Variants in SKIC2 observed in about 807,000 individuals in gnomAD.
SKIC2 encodes SKI2 subunit of superkiller complex.
chr6:31,960,283 C>T, the SKIC2 span: 79 of 1,613,328 alleles, frequency 4.9e-5, 1 homozygote, highest in Admixed American at 8.3e-5. Flanking sequence ...CAGTCCCATC[C>T]GACCTACAGG....
chr6:31,969,107 T>G, the SKIC2 span: 1 of 1,603,136 alleles, frequency 6.2e-7, no homozygotes, highest in Non-Finnish European at 8.5e-7. The surrounding 1 kb of genome is among the most constrained non-coding windows in gnomAD (Gnocchi z 6.1). Context: ...ACACCACCCC[T>G]TTCTCCCTGC....
At chr6:31,964,119 G>T in the SKIC2 span, 1 of 1,612,458 alleles carries the variant, frequency 6.2e-7, no homozygotes. The surrounding 1 kb of genome is among the most constrained non-coding windows in gnomAD (Gnocchi z 5.0). Context: ...ACCGCCAGCT[G>T]CCCCAGGTGC....
chr6:31,968,519 G>GC, the SKIC2 span: 1 of 1,612,702 alleles, frequency 6.2e-7, no homozygotes, highest in African/African-American at 1.3e-5. This position sits in a 1 kb window ranked among gnomAD's most constrained non-coding sequence, Gnocchi z 6.1. Flanking sequence ...TGTGTACACA[G>GC]CCCCCGTTTT....
chr6:31,968,863 T>G, the SKIC2 span: 1 of 1,612,336 alleles, frequency 6.2e-7, no homozygotes, highest in Non-Finnish European at 8.5e-7. The surrounding 1 kb of genome is among the most constrained non-coding windows in gnomAD (Gnocchi z 6.1). Flanking sequence ...CCACCCTTTT[T>G]CTTGCAGGTG....
At chr6:31,963,910 C>T in the SKIC2 span, 12 of 1,609,360 alleles carry the variant, frequency 7.5e-6, no homozygotes, top group African/African-American at 1.3e-5. This position sits in a 1 kb window ranked among gnomAD's most constrained non-coding sequence, Gnocchi z 5.3. Flanking sequence ...CTTCCTTCTC[C>T]AGGACCGCGG....
the SKIC2 span, chr6:31,967,722 C>T: frequency 3.0e-5 from 48 of 1,612,808 alleles, no homozygotes; most frequent in East Asian, 3.3e-4. This position sits in a 1 kb window ranked among gnomAD's most constrained non-coding sequence, Gnocchi z 4.9. Flanking sequence ...CAGGTCTCCT[C>T]GAACTCCACC....
the SKIC2 span, chr6:31,967,089 C>T: frequency 6.2e-7 from 1 of 1,612,854 alleles, no homozygotes; most frequent in Non-Finnish European, 8.5e-7. This position sits in a 1 kb window ranked among gnomAD's most constrained non-coding sequence, Gnocchi z 4.9. Context: ...GTCGACCTGC[C>T]TGAATATTAC....
the SKIC2 span, chr6:31,959,224 A>G: frequency 3.7e-6 from 6 of 1,606,008 alleles, no homozygotes; most frequent in East Asian, 2.2e-5. Flanking sequence ...GGTGAGGGGG[A>G]GGGGAGGGAA....
chr6:31,960,665 G>A, the SKIC2 span: 5 of 1,588,462 alleles, frequency 3.1e-6, no homozygotes, highest in Admixed American at 1.8e-5. Context: ...TCTCTTCCCA[G>A]GGGGGATGGA....
chr6:31,962,456 C>T, the SKIC2 span: 1 of 1,614,084 alleles, frequency 6.2e-7, no homozygotes, highest in Admixed American at 1.7e-5. This position sits in a 1 kb window ranked among gnomAD's most constrained non-coding sequence, Gnocchi z 5.0. Context: ...TACACTTCGC[C>T]CATCAAGGCC....
chr6:31,969,265 C>G, the SKIC2 span: 1 of 1,613,938 alleles, frequency 6.2e-7, no homozygotes, highest in Non-Finnish European at 8.5e-7. This position sits in a 1 kb window ranked among gnomAD's most constrained non-coding sequence, Gnocchi z 6.1. Flanking sequence ...CTTAACCTCT[C>G]CTTCTTTCCT....
chr6:31,968,018 G>A, the SKIC2 span: 1 of 1,613,078 alleles, frequency 6.2e-7, no homozygotes, highest in Admixed American at 1.7e-5. The surrounding 1 kb of genome is among the most constrained non-coding windows in gnomAD (Gnocchi z 6.1). Context: ...CACCACCAAG[G>A]TGCTCCGGGT....
the SKIC2 span, chr6:31,962,997 T>C: frequency 6.2e-7 from 1 of 1,611,322 alleles, no homozygotes; most frequent in East Asian, 2.2e-5. This position sits in a 1 kb window ranked among gnomAD's most constrained non-coding sequence, Gnocchi z 5.0. Flanking sequence ...TGGGGTCGTG[T>C]GGGAGGAGGT....
chr6:31,961,822 C>T, the SKIC2 span: 3 of 1,570,992 alleles, frequency 1.9e-6, no homozygotes, highest in Non-Finnish European at 2.6e-6. Context: ...CTCCGGCCTT[C>T]ATCCGCCCGC....
chr6:31,964,200 C>T, the SKIC2 span: 2 of 1,608,442 alleles, frequency 1.2e-6, no homozygotes, highest in African/African-American at 2.7e-5. The surrounding 1 kb of genome is among the most constrained non-coding windows in gnomAD (Gnocchi z 5.0). Flanking sequence ...TCCGAGACTC[C>T]ATCCCTGACC....
the SKIC2 span, chr6:31,965,881 G>A: frequency 1.2e-6 from 2 of 1,613,058 alleles, no homozygotes; most frequent in Non-Finnish European, 1.7e-6. The surrounding 1 kb of genome is among the most constrained non-coding windows in gnomAD (Gnocchi z 5.6). Context: ...CCACCTTCCG[G>A]GACCTGCTCC....
At chr6:31,969,039 T>G in the SKIC2 span, 2 of 1,612,486 alleles carry the variant, frequency 1.2e-6, no homozygotes, top group Non-Finnish European at 1.7e-6. This position sits in a 1 kb window ranked among gnomAD's most constrained non-coding sequence, Gnocchi z 6.1. Context: ...TGGCCTGGTC[T>G]GCCAGAGCCC....
the SKIC2 span, chr6:31,960,602 G>C: frequency 1.9e-6 from 3 of 1,580,578 alleles, 1 homozygote; most frequent in Middle Eastern, 3.3e-4. Context: ...TCCAGGGAAG[G>C]GTTCCCCACC....
the SKIC2 span, chr6:31,961,515 A>G: frequency 6.4e-7 from 1 of 1,570,008 alleles, no homozygotes; most frequent in East Asian, 2.3e-5. Context: ...CTCTGGTTGT[A>G]TCTTTATCAC....
Sources: allele counts gnomAD v4.1 joint callset, GRCh38; gene constraint gnomAD v4.1.1; non-coding constraint Gnocchi (gnomAD v3.1); transcripts MANE v1.5; gene names NCBI Gene and HGNC (gene_info 2026-07-23, HGNC 2026-07-21).